DLG2: variants seen among roughly 807,000 people sequenced by gnomAD.
DLG2 encodes discs large MAGUK scaffold protein 2.
DLG2 carries 45 observed loss-of-function variants against 132.5 expected under a neutral mutation model. The ratio of observed to expected loss-of-function variants is 0.34; its 90% CI spans 0.27 to 0.44. The LOEUF (loss-of-function observed/expected upper bound fraction) is 0.44, where lower values mean the gene tolerates loss of function less well. Ranked by LOEUF, DLG2 falls within the 20% of genes least tolerant of loss-of-function variation. The probability of loss-of-function intolerance (pLI) is 1.00; values close to 1 mark genes in which losing one functional copy is unlikely to be tolerated. For missense variants in DLG2, 1,045 were observed against 1,196.9 expected (o/e 0.87, Z 1.87); for synonymous variants, 424 against 419.6 (o/e 1.01, Z -0.13).
chr11:84,115,241 C>CA (rs1230896588), intron 9 of DLG2, among the ~76,000 whole-genome samples: 1 of 152,162 alleles, frequency 6.6e-6, no homozygotes, highest in African/African-American at 2.4e-5. Flanking sequence ...TCACTGGGCT[C>CA]AAAATCTATT....
intron 7 of DLG2, among the ~76,000 whole-genome samples, chr11:84,411,934 C>T (rs1470474732): frequency 6.6e-6 from 1 of 150,838 alleles, no homozygotes; most frequent in African/African-American, 2.4e-5. Context: ...GTTCAACATA[C>T]CCTGATTGTG....
intron 3 of DLG2, among the ~76,000 whole-genome samples, chr11:85,306,714 C>G (rs2079971051): frequency 6.6e-6 from 1 of 152,040 alleles, no homozygotes; most frequent in South Asian, 2.1e-4. Context: ...CTGGGACTAC[C>G]AGCGCCCACC....
chr11:84,481,440 G>A (rs2099137411), intron 7 of DLG2, among the ~76,000 whole-genome samples: 1 of 151,986 alleles, frequency 6.6e-6, no homozygotes, highest in Admixed American at 6.6e-5. Flanking sequence ...GTCTTGCTTG[G>A]CCTTATCACC....
At chr11:84,537,102 C>A (rs1212453843) in intron 6 of DLG2, among the ~76,000 whole-genome samples, 1 of 151,940 alleles carries the variant, frequency 6.6e-6, no homozygotes, top group East Asian at 1.9e-4. Flanking sequence ...CCCATTACTT[C>A]TGAATTACTT....
intron 6 of DLG2, among the ~76,000 whole-genome samples, chr11:84,705,799 G>A (rs1282215367): frequency 1.3e-5 from 2 of 151,636 alleles, no homozygotes; most frequent in Admixed American, 6.6e-5. Context: ...AAGTATGATG[G>A]GTGTCATTAT....
chr11:84,470,090 T>A (rs75688838), intron 7 of DLG2, among the ~76,000 whole-genome samples: 2,219 of 151,888 alleles, frequency 0.015, 63 homozygotes, highest in African/African-American at 0.051. Flanking sequence ...ATAGTAAAAG[T>A]GTGATATAAT....
chr11:84,092,444 T>C (rs141588647), intron 10 of DLG2, among the ~76,000 whole-genome samples: 131 of 152,322 alleles, frequency 8.6e-4, no homozygotes, highest in Middle Eastern at 3.4e-3. Flanking sequence ...CTGAAGAACA[T>C]AGAGCTTAAA....
chr11:85,369,007 G>A (rs2084767606), intron 3 of DLG2, among the ~76,000 whole-genome samples: 1 of 152,202 alleles, frequency 6.6e-6, no homozygotes, highest in African/African-American at 2.4e-5. Flanking sequence ...GAAAAGTCCT[G>A]CAACATTTTT....
intron 4 of DLG2, among the ~76,000 whole-genome samples, chr11:85,223,732 T>C (rs2074806236): frequency 6.6e-6 from 1 of 152,112 alleles, no homozygotes; most frequent in South Asian, 2.1e-4. Flanking sequence ...CCACCTCACT[T>C]TGGCCATCAA....
At chr11:85,183,794 T>C (rs540462631) in intron 4 of DLG2, among the ~76,000 whole-genome samples, 2 of 152,046 alleles carry the variant, frequency 1.3e-5, no homozygotes, top group African/African-American at 4.8e-5. Flanking sequence ...ATTTCTAGGT[T>C]CATTATCTTA....
intron 6 of DLG2, among the ~76,000 whole-genome samples, chr11:85,101,286 G>A (rs1483625640): frequency 6.6e-6 from 1 of 151,896 alleles, no homozygotes; most frequent in Non-Finnish European, 1.5e-5. Flanking sequence ...GATTATACGA[G>A]ATATATCTGA....
At chr11:85,315,084 G>A (rs1024953619) in intron 3 of DLG2, among the ~76,000 whole-genome samples, 3 of 151,908 alleles carry the variant, frequency 2.0e-5, no homozygotes, top group African/African-American at 4.8e-5. Context: ...GGAGGGATTA[G>A]AGCACATATA....
chr11:84,775,990 T>A (rs933455396), intron 6 of DLG2, among the ~76,000 whole-genome samples: 5 of 152,234 alleles, frequency 3.3e-5, no homozygotes, highest in Non-Finnish European at 7.3e-5. Flanking sequence ...TGTTTCAATA[T>A]CTTATTGCTG....
chr11:84,217,853 GCT>G (rs2096856602), intron 8 of DLG2, among the ~76,000 whole-genome samples: 2 of 152,146 alleles, frequency 1.3e-5, no homozygotes, highest in South Asian at 2.1e-4. Flanking sequence ...CAAATTTTGT[GCT>G]CTCTTTTCCA....
chr11:85,152,398 A>T (rs2077313153), intron 5 of DLG2, among the ~76,000 whole-genome samples: 1 of 151,962 alleles, frequency 6.6e-6, no homozygotes, highest in African/African-American at 2.4e-5. Flanking sequence ...ACACCACCAC[A>T]CTTGGCTAAT....
chr11:84,492,397 GC>G (rs2154497763), intron 7 of DLG2, among the ~76,000 whole-genome samples: 1 of 152,168 alleles, frequency 6.6e-6, no homozygotes, highest in East Asian at 1.9e-4. Flanking sequence ...GAATGCACAG[GC>G]TTTTGTAGAG....
intron 3 of DLG2, among the ~76,000 whole-genome samples, chr11:85,455,991 G>A (rs1481749601): frequency 1.3e-5 from 2 of 151,998 alleles, no homozygotes; most frequent in Non-Finnish European, 2.9e-5. Context: ...TCTCTGCCAG[G>A]TTTTGGTATC....
At chr11:84,647,461 A>T (rs1328062511) in intron 6 of DLG2, among the ~76,000 whole-genome samples, 3 of 152,216 alleles carry the variant, frequency 2.0e-5, no homozygotes, top group Non-Finnish European at 4.4e-5. Context: ...ACGATTATCT[A>T]GGTATTTCAA....
At chr11:84,735,486 C>T (rs1305458461) in intron 6 of DLG2, among the ~76,000 whole-genome samples, 1 of 151,886 alleles carries the variant, frequency 6.6e-6, no homozygotes, top group African/African-American at 2.4e-5. Flanking sequence ...TGGTGATATC[C>T]CTTTTATCAT....
Sources: gnomAD v4.1 joint callset for allele counts (sites outside exome capture counted in the v4.1 genomes callset) on GRCh38, gnomAD v4.1.1 for gene constraint, MANE v1.5 for transcripts, NCBI Gene and HGNC (gene_info 2026-07-23, HGNC 2026-07-21) for gene names.